NPIPB2: variants seen among roughly 807,000 people sequenced by gnomAD.
NPIPB2 encodes nuclear pore complex interacting protein family member B2.
A neutral mutation model predicts 30.8 loss-of-function variants in NPIPB2; 27 were observed. That is an observed-to-expected ratio of 0.88 (90% confidence interval 0.65 to 1.21). NPIPB2 has a LOEUF of 1.21. NPIPB2 is among the 50% of genes most tolerant of loss of function. The probability of loss-of-function intolerance (pLI) is 0.00; values close to 1 mark genes in which losing one functional copy is unlikely to be tolerated. For synonymous variants in NPIPB2, 147 were observed against 162.0 expected (o/e 0.91, Z 0.70); for missense variants, 440 against 446.2 (o/e 0.99, Z 0.13).
At position 11,962,634 on chromosome 16, in the gene NPIPB2, A is replaced by C. The variant is rs886171641; in HGVS notation, c.-584+13934T>G. ...CTCAAAAAAAAAAAAAAAAAACCAA[A>C]AAAAAAGAGGAAGACTGACAGTAAT... is the stretch of plus-strand genomic sequence containing the variant. On this transcript the variant is annotated intron_variant, in intron 1 of 5. Coordinates refer to the NPIPB2 transcript ENST00000538896. Among the ~76,000 whole-genome samples the C allele has an allele frequency of 9.2e-5, 14 of 151,684 alleles. 1 individual carries two copies. Among genetic ancestry groups the C allele is most frequent in the East Asian group, 1.9e-4 (1 of 5,184 alleles).
At chr16:11,974,941 G>A (rs953833353) in intron 1 of NPIPB2, among the ~76,000 whole-genome samples, 9 of 151,450 alleles carry the variant, frequency 5.9e-5, no homozygotes, top group Non-Finnish European at 8.8e-5. Context: ...CGGGTATGGT[G>A]GCAGGAGCCT....
chr16:11,927,681 T>G, exon 8 of NPIPB2: 1 of 1,596,722 alleles, frequency 6.3e-7, no homozygotes, highest in Non-Finnish European at 8.5e-7. Context: ...GTCTTGAGAT[T>G]ATCATCCGCT....
chr16:11,937,072 C>T (rs1251429700), intron 2 of NPIPB2, among the ~76,000 whole-genome samples: 1 of 152,018 alleles, frequency 6.6e-6, no homozygotes, highest in East Asian at 1.9e-4. Context: ...TCCAGCCCTT[C>T]TAGCAGTCTC....
At chr16:11,950,720 T>C (rs1190104546) in intron 1 of NPIPB2, among the ~76,000 whole-genome samples, 1 of 152,070 alleles carries the variant, frequency 6.6e-6, no homozygotes, top group Non-Finnish European at 1.5e-5. Context: ...CATCCTCCCT[T>C]CCTTCCTTCT....
upstream of NPIPB2, among the ~76,000 whole-genome samples, chr16:11,946,229 T>C (rs1296937221): frequency 1.3e-5 from 2 of 151,254 alleles, no homozygotes; most frequent in Admixed American, 1.3e-4. Context: ...CTACTAAAAA[T>C]GCAAAATTAG....
At chr16:11,965,205 A>G in intron 1 of NPIPB2, 1 of 1,343,768 alleles carries the variant, frequency 7.4e-7, no homozygotes. Flanking sequence ...AAGCAGGCGA[A>G]GTTCATTGTT....
chr16:11,952,302 C>T (rs1007766908), intron 1 of NPIPB2, among the ~76,000 whole-genome samples: 2 of 151,638 alleles, frequency 1.3e-5, no homozygotes, highest in East Asian at 1.9e-4. Context: ...GAGCAGAGAT[C>T]GCGCCACTGC....
intron 1 of NPIPB2, among the ~76,000 whole-genome samples, chr16:11,961,903 C>T (rs1178741419): frequency 6.6e-6 from 1 of 151,426 alleles, no homozygotes; most frequent in Non-Finnish European, 1.5e-5. Flanking sequence ...TTTGGAAAGA[C>T]AGAAGACTGA....
intron 1 of NPIPB2, 28 bp from the exon 2 acceptor site, chr16:11,937,696 A>G (rs775671718): frequency 6.3e-6 from 10 of 1,597,056 alleles, no homozygotes; most frequent in Non-Finnish European, 8.5e-6. Flanking sequence ...GAAATAATGA[A>G]AAGGTCAATG....
intron 1 of NPIPB2, among the ~76,000 whole-genome samples, chr16:11,948,110 G>T (rs745389720): frequency 3.3e-5 from 5 of 151,314 alleles, no homozygotes; most frequent in Non-Finnish European, 7.4e-5. Flanking sequence ...GGTGGGAAGA[G>T]TCACTGCCTA....
chr16:11,958,406 T>A (rs540866873), intron 1 of NPIPB2, among the ~76,000 whole-genome samples: 1 of 147,860 alleles, frequency 6.8e-6, no homozygotes, highest in Middle Eastern at 3.5e-3. Flanking sequence ...CCAGCCTGGA[T>A]GACAGAGCGA....
intron 1 of NPIPB2, among the ~76,000 whole-genome samples, chr16:11,952,154 A>G (rs2055072286): frequency 8.2e-6 from 1 of 121,580 alleles, no homozygotes; most frequent in Admixed American, 9.3e-5. Context: ...CTCTGCCTCA[A>G]AAAAAAAAAC....
chr16:11,974,593 A>G (rs1330235327), intron 1 of NPIPB2, among the ~76,000 whole-genome samples: 1 of 152,116 alleles, frequency 6.6e-6, no homozygotes, highest in East Asian at 1.9e-4. Flanking sequence ...AGAGGAAAAA[A>G]AGAAAGTAGA....
chr16:11,970,164 C>T (rs2055227485), intron 1 of NPIPB2, among the ~76,000 whole-genome samples: 1 of 151,966 alleles, frequency 6.6e-6, no homozygotes, highest in African/African-American at 2.4e-5. Flanking sequence ...GCCTGACCAA[C>T]ATGGTGAAAA....
intron 1 of NPIPB2, among the ~76,000 whole-genome samples, chr16:11,955,204 A>AAACC (rs2055099701): frequency 3.9e-5 from 6 of 152,050 alleles, no homozygotes; most frequent in Middle Eastern, 3.4e-3. Context: ...AAATACAAAA[A>AAACC]TTAGCTGGCC....
chr16:11,975,222 A>C (rs1478493444), intron 1 of NPIPB2, among the ~76,000 whole-genome samples: 3 of 87,710 alleles, frequency 3.4e-5, no homozygotes, highest in Non-Finnish European at 6.2e-5. Flanking sequence ...ATCTCGGCTC[A>C]CTGCAAGCTC....
upstream of NPIPB2, among the ~76,000 whole-genome samples, chr16:11,943,825 C>G (rs186172524): frequency 8.5e-4 from 128 of 150,876 alleles, no homozygotes; most frequent in African/African-American, 3.0e-3. Context: ...GGTGAAACCC[C>G]GTCTCTACTA....
chr16:11,970,073 G>A (rs932429491), intron 1 of NPIPB2, among the ~76,000 whole-genome samples: 1 of 151,998 alleles, frequency 6.6e-6, no homozygotes, highest in Non-Finnish European at 1.5e-5. Flanking sequence ...GTATGGCCGG[G>A]TGTGGTGGCT....
chr16:11,969,588 T>A (rs998643169), intron 1 of NPIPB2, among the ~76,000 whole-genome samples: 2 of 152,196 alleles, frequency 1.3e-5, no homozygotes, highest in South Asian at 2.1e-4. Flanking sequence ...AGCTAACTTA[T>A]GTACTTCTGC....
Sources: allele counts gnomAD v4.1 joint callset (sites outside exome capture counted in the v4.1 genomes callset), GRCh38; gene constraint gnomAD v4.1.1; transcripts MANE v1.5; gene names NCBI Gene and HGNC (gene_info 2026-07-23, HGNC 2026-07-21).